Variants in KHDRBS2 observed in about 807,000 individuals in gnomAD.
KHDRBS2 encodes KH domain-containing, RNA-binding, signal transduction-associated protein 2.
A neutral mutation model predicts 44.3 loss-of-function variants in KHDRBS2; 26 were observed. The observed-to-expected ratio is 0.59, with a 90% confidence interval of 0.43 to 0.81. KHDRBS2 has a LOEUF of 0.81. KHDRBS2 is among the 40% of genes least tolerant of loss of function. KHDRBS2 has a pLI of 0.00. For synonymous variants in KHDRBS2, 194 were observed against 151.1 expected (o/e 1.28, Z -2.08); for missense variants, 476 against 433.1 (o/e 1.10, Z -0.88).
chr6:62,224,104 A>C (rs1831352029), intron 1 of KHDRBS2, among the ~76,000 whole-genome samples: 1 of 152,186 alleles, frequency 6.6e-6, no homozygotes, highest in Admixed American at 6.6e-5. Context: ...GAAGAAAAAG[A>C]GGTTTAATTT....
At chr6:61,675,445 T>G (rs1419926280), downstream of KHDRBS2, among the ~76,000 whole-genome samples, 7 of 151,580 alleles carry the variant, frequency 4.6e-5, no homozygotes, top group Admixed American at 4.6e-4. Context: ...ACACTAAATA[T>G]TATCTAAATA....
intron 3 of KHDRBS2, among the ~76,000 whole-genome samples, chr6:62,031,282 A>AGG (rs1784295272): frequency 6.6e-6 from 1 of 152,080 alleles, no homozygotes; most frequent in South Asian, 2.1e-4. Flanking sequence ...AAAATTGGGT[A>AGG]GGATTCTGAG....
At chr6:61,694,396 G>T (rs1767682478) in intron 8 of KHDRBS2, among the ~76,000 whole-genome samples, 1 of 152,028 alleles carries the variant, frequency 6.6e-6, no homozygotes, top group Non-Finnish European at 1.5e-5. Flanking sequence ...AACCAAGGAG[G>T]GACAATGTCC....
At chr6:61,982,531 C>T (rs562902578) in intron 3 of KHDRBS2, among the ~76,000 whole-genome samples, 86 of 151,956 alleles carry the variant, frequency 5.7e-4, no homozygotes, top group African/African-American at 1.7e-3. Flanking sequence ...ATTAGCCGGG[C>T]GTGGTGGCGC....
intron 6 of KHDRBS2, among the ~76,000 whole-genome samples, chr6:61,753,810 G>T (rs973267598): frequency 1.3e-5 from 2 of 152,080 alleles, no homozygotes; most frequent in Non-Finnish European, 2.9e-5. Flanking sequence ...TTTGTAAAAG[G>T]GTTTTTGCAG....
the KHDRBS2 span, among the ~76,000 whole-genome samples, chr6:61,622,048 G>A: frequency 6.6e-6 from 1 of 152,172 alleles, no homozygotes; most frequent in Non-Finnish European, 1.5e-5. Flanking sequence ...TTTAATTGTA[G>A]CCTTGTGAGA....
At chr6:61,587,733 C>T in the KHDRBS2 span, among the ~76,000 whole-genome samples, 1 of 152,084 alleles carries the variant, frequency 6.6e-6, no homozygotes, top group Non-Finnish European at 1.5e-5. Context: ...TTCAGAATGT[C>T]GTTGGTTACA....
intron 1 of KHDRBS2, among the ~76,000 whole-genome samples, chr6:62,268,240 T>C (rs1409328555): frequency 2.0e-5 from 3 of 152,048 alleles, no homozygotes; most frequent in African/African-American, 7.2e-5. Flanking sequence ...TCTTTGAGAA[T>C]TACCTCACCA....
At chr6:62,143,694 AT>A (rs11408572) in intron 2 of KHDRBS2, among the ~76,000 whole-genome samples, 1 of 151,344 alleles carries the variant, frequency 6.6e-6, no homozygotes, top group Non-Finnish European at 1.5e-5. Context: ...TCAGATTATT[AT>A]TTTTTTTCTC....
At chr6:61,771,479 G>A (rs922158081) in intron 6 of KHDRBS2, among the ~76,000 whole-genome samples, 2 of 152,084 alleles carry the variant, frequency 1.3e-5, no homozygotes, top group African/African-American at 4.8e-5. Flanking sequence ...TCAAAATAAA[G>A]GGATGGAGGA....
Position 62,114,977 on chromosome 6 carries a change from G to A in KHDRBS2, c.219+62208C>T, listed in dbSNP as rs375234189. Among the ~76,000 whole-genome samples the A allele has an allele frequency of 2.0e-4, 30 of 151,756 alleles. No homozygotes were observed. The East Asian group carries it at 3.3e-3, about 17-fold the overall frequency. ...TTTCAAATCTATGAATATTTTTGTCGGCGTAAATATTTAACACAAGAAATT... is the reference window on the plus strand; with the variant it reads ...TTTCAAATCTATGAATATTTTTGTCAGCGTAAATATTTAACACAAGAAATT... On this transcript the variant is annotated intron_variant, in intron 2 of 8. Transcript: ENST00000281156.
At chr6:62,075,550 C>T (rs1326286169) in intron 2 of KHDRBS2, among the ~76,000 whole-genome samples, 1 of 151,906 alleles carries the variant, frequency 6.6e-6, no homozygotes, top group Admixed American at 6.6e-5. Flanking sequence ...ACACAGATTA[C>T]AATTTGCCTT....
rs35432340 is a variant in KHDRBS2, at chr6:62,153,494, AT to A, written c.219+23690del. Among the ~76,000 whole-genome samples, 1,168 of 151,800 alleles carry A rather than the reference AT, an allele frequency of 7.7e-3. 7 individuals carry two copies. The highest frequency in any genetic ancestry group is 0.033 in the East Asian group (168 of 5,142). On this transcript the variant is annotated intron_variant, in intron 2 of 8. Coordinates refer to ENST00000281156, the MANE Select transcript of KHDRBS2 (RefSeq NM_152688.4). ...TCTTAGAAAACGTTTCAGCCTTTAT[AT>A]TTTTTTTAAGCACGAAAAAGTAACT... is the stretch of plus-strand genomic sequence containing the variant.
the KHDRBS2 span, among the ~76,000 whole-genome samples, chr6:61,621,418 G>A: frequency 6.6e-6 from 1 of 152,148 alleles, no homozygotes; most frequent in Non-Finnish European, 1.5e-5. Context: ...GAAACCAGAG[G>A]ACTTTTTGGT....
chr6:61,762,702 C>T (rs151132039), intron 6 of KHDRBS2, among the ~76,000 whole-genome samples: 29 of 152,300 alleles, frequency 1.9e-4, no homozygotes, highest in African/African-American at 4.1e-4. Context: ...TTATAAATAA[C>T]CTTAGCAACA....
chr6:61,875,309 G>A (rs1237456543), intron 6 of KHDRBS2, among the ~76,000 whole-genome samples: 1 of 151,956 alleles, frequency 6.6e-6, no homozygotes, highest in Non-Finnish European at 1.5e-5. Flanking sequence ...AGAACAGGCC[G>A]AAGCCAGGCT....
intron 6 of KHDRBS2, among the ~76,000 whole-genome samples, chr6:61,840,803 T>C (rs1208884332): frequency 1.3e-5 from 2 of 152,168 alleles, no homozygotes; most frequent in African/African-American, 4.8e-5. Flanking sequence ...TATCGTGTTT[T>C]TACATGGGAG....
At chr6:62,086,271 C>A (rs1398513935) in intron 2 of KHDRBS2, among the ~76,000 whole-genome samples, 1 of 152,078 alleles carries the variant, frequency 6.6e-6, no homozygotes, top group Admixed American at 6.6e-5. Context: ...CTACTGAGTA[C>A]TTCAAAGTGA....
chr6:61,791,797 G>C (rs1266756848), intron 6 of KHDRBS2, among the ~76,000 whole-genome samples: 2 of 151,268 alleles, frequency 1.3e-5, no homozygotes, highest in Admixed American at 1.3e-4. Flanking sequence ...AACATAACTA[G>C]TTGTGTTTTC....
Sources: gnomAD v4.1 joint callset for allele counts (sites outside exome capture counted in the v4.1 genomes callset) on GRCh38, gnomAD v4.1.1 for gene constraint, MANE v1.5 for transcripts, NCBI Gene and HGNC (gene_info 2026-07-23, HGNC 2026-07-21) for gene names.